The following NUMB variants were observed in gnomAD, a reference collection of about 807,000 sequenced individuals.
The protein encoded by NUMB is NUMB endocytic adaptor protein.
A neutral mutation model predicts 59.7 loss-of-function variants in NUMB; 29 were observed. The observed-to-expected ratio is 0.49, with a 90% CI of 0.36 to 0.66. NUMB has a LOEUF of 0.66. Ranked by LOEUF, NUMB falls within the 30% of genes least tolerant of loss-of-function variation. NUMB has a pLI of 0.00. For missense variants in NUMB, 723 were observed against 822.0 expected, an observed-to-expected ratio of 0.88 and a Z score of 1.47; for synonymous variants, 288 against 288.2, an observed-to-expected ratio of 1.00 and a Z score of 0.01.
chr14:73,450,957 G>A (rs1883892709), intron 1 of NUMB, among the ~76,000 whole-genome samples: 1 of 151,884 alleles, frequency 6.6e-6, no homozygotes, highest in Non-Finnish European at 1.5e-5. Flanking sequence ...TTCAAGACTA[G>A]CCTGAGCAAC....
intron 2 of NUMB, among the ~76,000 whole-genome samples, chr14:73,398,343 A>C (rs1386072114): frequency 6.6e-6 from 1 of 152,114 alleles, no homozygotes; most frequent in African/African-American, 2.4e-5. Flanking sequence ...AACTGTGTAT[A>C]TAATCCCATT....
intron 11 of NUMB, 70 bp downstream of exon 11, chr14:73,282,287 TAC>T: frequency 6.6e-7 from 1 of 1,505,660 alleles, no homozygotes; most frequent in Non-Finnish European, 9.0e-7. Context: ...GATGCCAACT[TAC>T]AGTTAGTGAG....
intron 5 of NUMB, chr14:73,322,872 A>G (rs915404397): frequency 2.6e-5 from 6 of 235,202 alleles, no homozygotes; most frequent in Admixed American, 1.1e-4. Flanking sequence ...TTTGAAATTA[A>G]TAGAGACAGG....
At chr14:73,436,856 G>A (rs1204853619) in intron 1 of NUMB, among the ~76,000 whole-genome samples, 1 of 151,282 alleles carries the variant, frequency 6.6e-6, no homozygotes, top group Admixed American at 6.6e-5. Flanking sequence ...GTGCCTGCCT[G>A]TAATCCCAGC....
At chr14:73,332,339 C>T (rs1436191711) in intron 4 of NUMB, among the ~76,000 whole-genome samples, 1 of 152,000 alleles carries the variant, frequency 6.6e-6, no homozygotes, top group Non-Finnish European at 1.5e-5. Flanking sequence ...CTGCAACCTC[C>T]ACCTCCTGAG....
chr14:73,304,999 T>C (rs1890345647), intron 6 of NUMB, among the ~76,000 whole-genome samples: 1 of 152,152 alleles, frequency 6.6e-6, no homozygotes, highest in Non-Finnish European at 1.5e-5. Context: ...ACTGCTGACC[T>C]CAGGTGATCC....
chr14:73,406,577 T>G (rs1006250655), intron 2 of NUMB, among the ~76,000 whole-genome samples: 2 of 152,148 alleles, frequency 1.3e-5, no homozygotes, highest in African/African-American at 4.8e-5. Context: ...GTCTTTATAG[T>G]AGCATGATTT....
chr14:73,316,627 T>C (rs987683845), intron 5 of NUMB, among the ~76,000 whole-genome samples: 4 of 152,166 alleles, frequency 2.6e-5, no homozygotes, highest in African/African-American at 9.7e-5. Context: ...CTGTATAGCC[T>C]AAGAATCCAT....
intron 1 of NUMB, among the ~76,000 whole-genome samples, chr14:73,420,708 T>G (rs1289484101): frequency 6.6e-6 from 1 of 152,038 alleles, no homozygotes; most frequent in Admixed American, 6.6e-5. Flanking sequence ...TAATCCTGGC[T>G]ACTTGGGAGG....
intron 2 of NUMB, among the ~76,000 whole-genome samples, chr14:73,378,200 A>T (rs1314064337): frequency 6.6e-6 from 1 of 152,200 alleles, no homozygotes; most frequent in Non-Finnish European, 1.5e-5. Flanking sequence ...AAACAACCAG[A>T]TACCATTACA....
At chr14:73,363,857 G>A (rs898384138) in intron 3 of NUMB, among the ~76,000 whole-genome samples, 35 of 152,254 alleles carry the variant, frequency 2.3e-4, no homozygotes, top group African/African-American at 6.7e-4. Flanking sequence ...GCTGACGTGC[G>A]ATGAAAACTT....
At chr14:73,322,018 T>C (rs954826862) in intron 5 of NUMB, among the ~76,000 whole-genome samples, 2 of 152,200 alleles carry the variant, frequency 1.3e-5, no homozygotes, top group African/African-American at 4.8e-5. Flanking sequence ...AGAAGTAATA[T>C]AGACTATGCC....
intron 5 of NUMB, among the ~76,000 whole-genome samples, chr14:73,319,271 T>TG (rs1453789651): frequency 2.4e-4 from 36 of 152,192 alleles, no homozygotes; most frequent in Middle Eastern, 3.4e-3. Context: ...CCAAAAAAAA[T>TG]GAATAAATAA....
chr14:73,425,900 C>A, intron 1 of NUMB, among the ~76,000 whole-genome samples: 1 of 151,608 alleles, frequency 6.6e-6, no homozygotes, highest in East Asian at 1.9e-4. Flanking sequence ...CCTCCGCCTC[C>A]CAGGTTCAAG....
In NUMB at chr14:73,366,887, T is replaced by G. The variant is rs1162915704; in HGVS notation, c.-16+10A>C. Reference sequence around the variant, plus strand: ...ATGGTTATGATTAAGAGTTTTGAAGTTGGACAGACCTGGCTCTGAATCTTG... The same window carrying G: ...ATGGTTATGATTAAGAGTTTTGAAGGTGGACAGACCTGGCTCTGAATCTTG... On this transcript the variant is annotated intron_variant, in intron 3 of 12. Transcript: ENST00000555238. 6.6e-6 allele frequency: 1 copy of G among 152,198 alleles called. No individual in the cohort carries two copies. The highest frequency in any genetic ancestry group is 2.4e-5 in the African/African-American group (1 of 41,448). The allele number at this position is 152,198 out of a possible 1,614,324, so 9.4% of individuals were successfully genotyped here. A position where few individuals can be genotyped will look rare whatever the true frequency, so the allele number is the denominator to read the frequency against.
chr14:73,396,546 G>A (rs947538181), intron 2 of NUMB, among the ~76,000 whole-genome samples: 1 of 142,486 alleles, frequency 7.0e-6, no homozygotes, highest in African/African-American at 2.6e-5. Flanking sequence ...TTGTTTTTTT[G>A]TTTTGGAGAA....
intron 4 of NUMB, among the ~76,000 whole-genome samples, chr14:73,328,665 C>T (rs1011632502): frequency 6.6e-6 from 1 of 152,124 alleles, no homozygotes; most frequent in African/African-American, 2.4e-5. Context: ...ACTGATAGTT[C>T]TTGGCATCTA....
At chr14:73,451,583 C>G (rs948751293) in intron 1 of NUMB, among the ~76,000 whole-genome samples, 1 of 152,270 alleles carries the variant, frequency 6.6e-6, no homozygotes, top group Non-Finnish European at 1.5e-5. Flanking sequence ...CCACTGCACT[C>G]CAGCCTGGGC....
chr14:73,311,933 A>G (rs1446522081), intron 6 of NUMB, among the ~76,000 whole-genome samples: 1 of 152,224 alleles, frequency 6.6e-6, no homozygotes, highest in Non-Finnish European at 1.5e-5. Flanking sequence ...AAAGATTCAA[A>G]AGATTCCAAA....
Sources: allele counts gnomAD v4.1 joint callset (sites outside exome capture counted in the v4.1 genomes callset), GRCh38; gene constraint gnomAD v4.1.1; transcripts MANE v1.5; gene names NCBI Gene and HGNC (gene_info 2026-07-23, HGNC 2026-07-21).